The following EFR3A variants were observed in gnomAD, a reference collection of about 807,000 sequenced individuals.
EFR3A encodes the protein protein EFR3 homolog A.
Under a neutral mutation model 104.4 loss-of-function variants are expected in EFR3A, and 76 were observed. The ratio of observed to expected loss-of-function variants is 0.73; its 90% confidence interval spans 0.60 to 0.88. The LOEUF (loss-of-function observed/expected upper bound fraction) is 0.88. EFR3A is among the 40% of genes least tolerant of loss of function. EFR3A has a pLI of 0.00. For missense variants in EFR3A, 985 were observed against 1,012.5 expected (o/e 0.97, Z 0.37); for synonymous variants, 330 against 330.0 (o/e 1.00, Z 0.00).
intron 18 of EFR3A, among the ~76,000 whole-genome samples, chr8:131,988,357 G>C (rs973495629): frequency 6.6e-6 from 1 of 151,762 alleles, no homozygotes; most frequent in Non-Finnish European, 1.5e-5. Flanking sequence ...TAGTTCTTTG[G>C]GGATACCTCT....
At chr8:131,964,870 A>C (rs1819609487) in intron 8 of EFR3A, among the ~76,000 whole-genome samples, 2 of 149,976 alleles carry the variant, frequency 1.3e-5, no homozygotes, top group South Asian at 4.4e-4. Context: ...AAACAGAGAT[A>C]TAGACCAATG....
intron 6 of EFR3A, among the ~76,000 whole-genome samples, chr8:131,955,220 C>A (rs1818917510): frequency 6.6e-6 from 1 of 152,040 alleles, no homozygotes; most frequent in African/African-American, 2.4e-5. Flanking sequence ...ATGATATAAT[C>A]CCCGTGCCAC....
At position 131,987,590 on chromosome 8, in the gene EFR3A, A is replaced by C. The variant is rs1820951742; in HGVS notation, c.1953A>C (p.Leu651Phe). The C allele has an allele frequency of 6.3e-7, 1 of 1,596,034 alleles. No homozygotes were observed. The highest frequency in any genetic ancestry group is 1.3e-5 in the African/African-American group (1 of 74,740). Residue 651 changes from leucine to phenylalanine, a missense_variant, in exon 18 of 23, where the codon TTA becomes TTC. Coordinates refer to ENST00000254624, the MANE Select transcript of EFR3A (RefSeq NM_015137.6). ...AACTTCGCAGGCTTCCAAAATCTTT[A>C]GAGAAGCATGAAAAAGATTTGTACT... ...FRDKCMLPKS[L>F]EKHEKDLYFL...
rs1820421193 is a variant in EFR3A at position 131,978,292 on chromosome 8, T to C, written c.1327-555T>C. Among the ~76,000 whole-genome samples the C allele has an allele frequency of 2.0e-5, 3 of 152,168 alleles. No individual in the cohort carries two copies. In the South Asian group the frequency reaches 6.2e-4, roughly 31 times the overall value. On this transcript the variant is annotated intron_variant, in intron 12 of 22. Transcript: ENST00000254624. ...TAAAATGTTTAATAGCATTTAAGTA[T>C]ATTCTCTTTAAAAGTTTTATGTTTA...
At position 131,953,810 on chromosome 8, in the gene EFR3A, T is replaced by C. The variant is rs759039031; in HGVS notation, c.489-8T>C. ...GCTCATTTTCTTCCTTTTTTTTTTT[T>C]TTTATAGGATACGAATTGCTGGAAT... is the stretch of plus-strand genomic sequence containing the variant. On this transcript the variant is annotated splice_polypyrimidine_tract_variant and splice_region_variant and intron_variant, in intron 5 of 22. Transcript: ENST00000254624. 23 of 1,495,928 alleles carry C rather than the reference T, an allele frequency of 1.5e-5. No individual in the cohort carries two copies. The highest frequency in any genetic ancestry group is 2.0e-5 in the Non-Finnish European group (23 of 1,124,606). The allele number at this position is 1,495,928 out of a possible 1,614,324, so 92.7% of individuals were successfully genotyped here.
At chr8:131,919,201 A>G (rs993944082) in intron 1 of EFR3A, among the ~76,000 whole-genome samples, 4 of 151,970 alleles carry the variant, frequency 2.6e-5, no homozygotes, top group African/African-American at 9.7e-5. Flanking sequence ...TTAAACTGTG[A>G]CCTTAGTATT....
intron 9 of EFR3A, among the ~76,000 whole-genome samples, chr8:131,969,643 A>T: frequency 6.7e-6 from 1 of 149,408 alleles, no homozygotes. Context: ...TTGTTCTTTT[A>T]TTGTCAAATA....
rs1489452657 is a variant in EFR3A, at chr8:131,931,937, C to A, written c.11-8562C>A. 3.9e-5 allele frequency among the ~76,000 whole-genome samples: 6 copies of A among 151,972 alleles called. No individual in the cohort carries two copies. In the Admixed American group the frequency reaches 4.0e-4, roughly 10 times the overall value. ...AGAATAAGTAGGATTATCCTGGCTC[C>A]TGGTTTGCCTAGGATGGTCAAAGTT... On this transcript the variant is annotated intron_variant, in intron 1 of 22. Coordinates refer to ENST00000254624, the MANE Select transcript of EFR3A (RefSeq NM_015137.6).
At chr8:131,959,522 G>T in intron 7 of EFR3A, 63 bp from the exon 8 acceptor site, 1 of 1,342,234 alleles carries the variant, frequency 7.5e-7, no homozygotes, top group Non-Finnish European at 1.1e-6. Flanking sequence ...CTATTGTTGA[G>T]GTTTCTAGAG....
At chr8:131,961,585 T>A (rs1318974777) in intron 8 of EFR3A, among the ~76,000 whole-genome samples, 1 of 152,210 alleles carries the variant, frequency 6.6e-6, no homozygotes, top group Non-Finnish European at 1.5e-5. Context: ...CTACGTCTGA[T>A]TGGTGTACCT....
At chr8:131,929,159 C>T (rs1311178363) in intron 1 of EFR3A, among the ~76,000 whole-genome samples, 1 of 152,168 alleles carries the variant, frequency 6.6e-6, no homozygotes, top group African/African-American at 2.4e-5. Context: ...AGAATTCATT[C>T]TCTCTTCTTG....
At chr8:131,950,168 A>G in intron 5 of EFR3A, 78 bp downstream of exon 5, 1 of 1,388,070 alleles carries the variant, frequency 7.2e-7, no homozygotes. Context: ...CATAATGATT[A>G]CCAGAGGAAA....
chr8:131,999,965 T>C (rs1036360242), intron 19 of EFR3A, among the ~76,000 whole-genome samples: 4 of 151,950 alleles, frequency 2.6e-5, no homozygotes, highest in Non-Finnish European at 5.9e-5. Flanking sequence ...GGAATGAGGA[T>C]CTAGAGTAGC....
At chr8:131,939,260 T>C (rs1346782647) in intron 1 of EFR3A, among the ~76,000 whole-genome samples, 1 of 152,086 alleles carries the variant, frequency 6.6e-6, no homozygotes, top group Non-Finnish European at 1.5e-5. Flanking sequence ...TAAGACAAAG[T>C]AACGCACCCA....
chr8:131,975,743 G>A (rs911863491), intron 10 of EFR3A, among the ~76,000 whole-genome samples: 2 of 151,910 alleles, frequency 1.3e-5, no homozygotes, highest in Admixed American at 1.3e-4. Flanking sequence ...TAAAACTCCA[G>A]TCAACTCAAG....
chr8:131,937,448 T>G lies in EFR3A; in HGVS notation c.11-3051T>G, dbSNP rs1052266970. Among the ~76,000 whole-genome samples, 14 of 152,274 alleles carry G rather than the reference T, an allele frequency of 9.2e-5. 1 individual carries two copies. Among genetic ancestry groups the G allele is most frequent in the Admixed American group, 3.9e-4 (6 of 15,286 alleles). On this transcript the variant is annotated intron_variant, in intron 1 of 22. Transcript: ENST00000254624. ...CAGCCTGGCACTTTTTTGGTTATAA[T>G]TTATCCACTGTGTCTGAATTCTATT... is the stretch of plus-strand genomic sequence containing the variant.
intron 1 of EFR3A, among the ~76,000 whole-genome samples, chr8:131,928,856 A>C (rs1817440773): frequency 6.6e-6 from 1 of 152,084 alleles, no homozygotes; most frequent in South Asian, 2.1e-4. Context: ...CTTTGTAAAA[A>C]GTACAGTATT....
intron 8 of EFR3A, among the ~76,000 whole-genome samples, chr8:131,966,073 A>C: frequency 6.6e-6 from 1 of 152,038 alleles, no homozygotes; most frequent in Non-Finnish European, 1.5e-5. Context: ...GGGTGGGGTG[A>C]GGGGGAAGGG....
At chr8:132,006,250 C>G (rs1052811943) in intron 22 of EFR3A, among the ~76,000 whole-genome samples, 1 of 151,856 alleles carries the variant, frequency 6.6e-6, no homozygotes, top group Non-Finnish European at 1.5e-5. Context: ...AATAGGCAAA[C>G]AATAGAAAAT....
Sources: gnomAD v4.1 joint callset for allele counts (sites outside exome capture counted in the v4.1 genomes callset) on GRCh38, gnomAD v4.1.1 for gene constraint, MANE v1.5 for transcripts, NCBI Gene and HGNC (gene_info 2026-07-23, HGNC 2026-07-21) for gene names.